DAPK1: variants seen among roughly 807,000 people sequenced by gnomAD.
DAPK1 encodes the protein death associated protein kinase 1.
Under a neutral mutation model 144.9 loss-of-function variants are expected in DAPK1, and 56 were observed. The ratio of observed to expected loss-of-function variants is 0.39; its 90% CI spans 0.31 to 0.48. DAPK1 has a LOEUF of 0.48. Ranked by LOEUF, DAPK1 falls within the 20% of genes least tolerant of loss-of-function variation. DAPK1 has a pLI of 0.95. For synonymous variants in DAPK1, 690 were observed against 749.0 expected (o/e 0.92, Z 1.29); for missense variants, 1,454 against 1,875.4 (o/e 0.78, Z 4.15).
intron 2 of DAPK1, among the ~76,000 whole-genome samples, chr9:87,518,170 G>A (rs980165584): frequency 1.3e-4 from 18 of 143,896 alleles, no homozygotes; most frequent in Non-Finnish European, 3.0e-5. Context: ...GAAGTGCAGT[G>A]GCACAATCTT....
intron 2 of DAPK1, among the ~76,000 whole-genome samples, chr9:87,532,979 C>T (rs1825745326): frequency 6.6e-6 from 1 of 152,098 alleles, no homozygotes; most frequent in South Asian, 2.1e-4. Flanking sequence ...TTTATTTCCA[C>T]TGTTAATTAG....
rs151156373 is a variant in DAPK1, at chr9:87,588,729, G to A, written c.63-16225G>A. 5.0e-3 allele frequency among the ~76,000 whole-genome samples: 766 copies of A among 152,250 alleles called. 8 individuals carry two copies. Among genetic ancestry groups the A allele is most frequent in the African/African-American group, 0.017 (704 of 41,524 alleles). Reference sequence around the variant, plus strand: ...ATGGATTTATTTTAAGTTTCAGTCTGGAAACATCATGATCACAGAGATTCA... The same window carrying A: ...ATGGATTTATTTTAAGTTTCAGTCTAGAAACATCATGATCACAGAGATTCA... On this transcript the variant is annotated intron_variant, in intron 2 of 25. Coordinates refer to ENST00000408954, the MANE Select transcript of DAPK1 (RefSeq NM_004938.4).
At chr9:87,542,971 C>G (rs76935303) in intron 2 of DAPK1, among the ~76,000 whole-genome samples, 1 of 152,124 alleles carries the variant, frequency 6.6e-6, no homozygotes, top group Non-Finnish European at 1.5e-5. Flanking sequence ...CATTAATTAG[C>G]GTACTATAGA....
At chr9:87,530,614 T>A (rs1010094704) in intron 2 of DAPK1, among the ~76,000 whole-genome samples, 1 of 152,238 alleles carries the variant, frequency 6.6e-6, no homozygotes, top group African/African-American at 2.4e-5. Context: ...AATTTCTTTC[T>A]GTTTGAAGAA....
At chr9:87,551,938 G>A (rs1424772281) in intron 2 of DAPK1, among the ~76,000 whole-genome samples, 1 of 152,172 alleles carries the variant, frequency 6.6e-6, no homozygotes, top group Admixed American at 6.5e-5. Flanking sequence ...TGGGCAGCCG[G>A]AATCTAGATC....
In DAPK1 at chr9:87,649,321, C is replaced by T. The variant is rs36213695; in HGVS notation, c.1428+442C>T. On this transcript the variant is annotated intron_variant, in intron 15 of 25. Coordinates refer to ENST00000408954, the MANE Select transcript of DAPK1 (RefSeq NM_004938.4). ...CTCATCGGTGCATATATGTATCTAG[C>T]GATGTTGATCCTGAAGATACAGGCC... is the stretch of plus-strand genomic sequence containing the variant. 3.8e-3 allele frequency among the ~76,000 whole-genome samples: 580 copies of T among 152,254 alleles called. 2 individuals are homozygous for T. Among genetic ancestry groups the T allele is most frequent in the African/African-American group, 0.013 (560 of 41,542 alleles).
intron 2 of DAPK1, among the ~76,000 whole-genome samples, chr9:87,542,890 T>G (rs922454621): frequency 2.0e-5 from 3 of 152,216 alleles, no homozygotes; most frequent in Non-Finnish European, 4.4e-5. Context: ...TTCATGGACA[T>G]GCATGAAATG....
chr9:87,510,822 A>G (rs1472630514), intron 2 of DAPK1, among the ~76,000 whole-genome samples: 2 of 144,500 alleles, frequency 1.4e-5, no homozygotes, highest in African/African-American at 5.0e-5. Context: ...GACTTCTGTG[A>G]GATTTAGTTT....
chr9:87,637,097 C>CTT (rs35802277), intron 3 of DAPK1, among the ~76,000 whole-genome samples: 3 of 151,304 alleles, frequency 2.0e-5, no homozygotes, highest in East Asian at 1.9e-4. Flanking sequence ...TAAATGTATT[C>CTT]TTTTTTTTTG....
chr9:87,663,187 C>T (rs913173325), intron 18 of DAPK1, among the ~76,000 whole-genome samples: 1 of 152,132 alleles, frequency 6.6e-6, no homozygotes, highest in African/African-American at 2.4e-5. Context: ...CACTGTCTTG[C>T]CTTCCGTTCC....
intron 24 of DAPK1, among the ~76,000 whole-genome samples, chr9:87,700,466 C>A (rs369228906): frequency 2.6e-5 from 4 of 151,966 alleles, no homozygotes; most frequent in Non-Finnish European, 5.9e-5. Flanking sequence ...AAATTCTTAC[C>A]GATTTATTGG....
intron 3 of DAPK1, among the ~76,000 whole-genome samples, chr9:87,608,614 AT>A (rs781376957): frequency 1.6e-4 from 24 of 152,338 alleles, no homozygotes; most frequent in Non-Finnish European, 2.4e-4. Context: ...GAGAATTCCG[AT>A]TGCTCCACCA....
intron 17 of DAPK1, among the ~76,000 whole-genome samples, chr9:87,652,968 C>T (rs1463186152): frequency 7.2e-6 from 1 of 139,260 alleles, no homozygotes; most frequent in African/African-American, 2.6e-5. Flanking sequence ...CCACCTGATC[C>T]CAGGTCCTGA....
chr9:87,584,464 T>C (rs1035091246), intron 2 of DAPK1, among the ~76,000 whole-genome samples: 4 of 152,234 alleles, frequency 2.6e-5, no homozygotes, highest in African/African-American at 9.6e-5. Flanking sequence ...TTTGGATATA[T>C]ACTTACTAGT....
chr9:87,706,033 G>A lies in DAPK1; in HGVS notation c.3061-99G>A. 1.2e-6 allele frequency: 1 copy of A among 840,320 alleles called. No homozygotes were observed. 52.1% of individuals were successfully genotyped at this position (840,320 alleles called of 1,614,324 possible). On this transcript the variant is annotated intron_variant, in intron 25 of 25. Coordinates refer to ENST00000408954, the MANE Select transcript of DAPK1 (RefSeq NM_004938.4). The surrounding 1 kb of genome is among the most constrained non-coding windows in gnomAD (Gnocchi z 9.0). The stretch of plus-strand genomic sequence containing the variant: ...GGTCACTCCTTAGAGCATCTGCTCA[G>A]CCTCTGTTGCCGGCATCAGGCCCTT...
intron 2 of DAPK1, among the ~76,000 whole-genome samples, chr9:87,604,272 G>T (rs961972944): frequency 3.9e-5 from 6 of 152,120 alleles, no homozygotes; most frequent in African/African-American, 9.7e-5. Context: ...CAGGAGAATG[G>T]AGTGGACTGA....
At chr9:87,533,899 G>T (rs1010641175) in intron 2 of DAPK1, among the ~76,000 whole-genome samples, 8 of 152,174 alleles carry the variant, frequency 5.3e-5, no homozygotes, top group African/African-American at 1.9e-4. Flanking sequence ...CTGACCTCAG[G>T]TGATCCGCCC....
At chr9:87,594,346 G>C (rs1828242103) in intron 2 of DAPK1, among the ~76,000 whole-genome samples, 1 of 152,118 alleles carries the variant, frequency 6.6e-6, no homozygotes, top group South Asian at 2.1e-4. Context: ...GAGTAAAGTG[G>C]GTGCAGTTCA....
chr9:87,700,085 C>T (rs773465616), intron 23 of DAPK1, 32 bp from the exon 24 acceptor site: 7 of 1,597,064 alleles, frequency 4.4e-6, no homozygotes, highest in South Asian at 2.2e-5. Flanking sequence ...GACATTGACT[C>T]ACTGCTGAGG....
Sources: gnomAD v4.1 joint callset for allele counts (sites outside exome capture counted in the v4.1 genomes callset) on GRCh38, gnomAD v4.1.1 for gene constraint, Gnocchi (gnomAD v3.1) non-coding constraint, MANE v1.5 for transcripts, NCBI Gene and HGNC (gene_info 2026-07-23, HGNC 2026-07-21) for gene names.